Variants in IFI16 observed in about 807,000 individuals in gnomAD.
IFI16 encodes gamma-interferon-inducible protein 16.
Under a neutral mutation model 68.4 loss-of-function variants are expected in IFI16, and 49 were observed. That is an observed-to-expected ratio of 0.72 (90% CI 0.57 to 0.91). The LOEUF is 0.91. IFI16 is among the 40% of genes least tolerant of loss of function. The probability of loss-of-function intolerance (pLI) is 0.00; values close to 1 mark genes in which losing one functional copy is unlikely to be tolerated. For synonymous variants in IFI16, 307 were observed against 315.0 expected (o/e 0.97, Z 0.27); for missense variants, 878 against 942.9 (o/e 0.93, Z 0.90).
rs1654983513 is a variant in IFI16, at chr1:159,046,332, T to C, written c.1497+868T>C. Among the ~76,000 whole-genome samples the C allele has an allele frequency of 2.0e-5, 3 of 151,234 alleles. No individual in the cohort carries two copies. The Admixed American group carries it at 2.0e-4, about 10-fold the overall frequency. The stretch of plus-strand genomic sequence containing the variant: ...GGTGATTTGATACTGATTAACTTCA[T>C]TGGGAACGGGTTTCCTAATGTTATG... On this transcript the variant is annotated intron_variant, in intron 8 of 11. Transcript: ENST00000295809.
chr1:159,029,683 T>G (rs1331252781), intron 6 of IFI16, among the ~76,000 whole-genome samples: 2 of 149,576 alleles, frequency 1.3e-5, no homozygotes, highest in Non-Finnish European at 3.0e-5. Context: ...TGTTCAGTTT[T>G]TTTTTTTTTT....
In IFI16 at chr1:159,020,493, G is replaced by A; in HGVS notation, c.1125G>A (p.Met375Ile). 3.7e-6 allele frequency: 6 copies of A among 1,612,748 alleles called. No individual in the cohort carries two copies. The highest frequency in any genetic ancestry group is 3.4e-6 in the Non-Finnish European group (4 of 1,179,368). ...TTCGACTTAGAAAAAAGAACCAGAT[G>A]TCAAAACTGATTTCAGAAATGCATA... is the stretch of plus-strand genomic sequence containing the variant. ...FCFRLRKKNQMSKLISEMHSF... is the reference protein window; with the variant it reads ...FCFRLRKKNQISKLISEMHSF... Residue 375 changes from methionine (M) to isoleucine (I), a missense_variant, in exon 6 of 12, where the codon ATG becomes ATA. Transcript: ENST00000295809.
chr1:159,033,686 A>G (rs1298171670), intron 7 of IFI16, among the ~76,000 whole-genome samples: 29 of 152,224 alleles, frequency 1.9e-4, no homozygotes, highest in Non-Finnish European at 4.4e-5. Context: ...GTGAAAAATT[A>G]ATGATTATAT....
chr1:159,037,613 C>T (rs556488073), intron 7 of IFI16, among the ~76,000 whole-genome samples: 1 of 152,110 alleles, frequency 6.6e-6, no homozygotes, highest in South Asian at 2.1e-4. Context: ...TATTACTCAA[C>T]GAAATCTACA....
At position 159,018,254 on chromosome 1, in the gene IFI16, A is replaced by C. The variant is rs778253714; in HGVS notation, c.575A>C (p.Gln192Pro). 1 of 1,613,754 alleles carries C rather than the reference A, an allele frequency of 6.2e-7. No homozygotes were observed. The highest frequency in any genetic ancestry group is 1.1e-5 in the South Asian group (1 of 91,078). Residue 192 changes from glutamine (Q) to proline (P), a missense_variant, in exon 5 of 12, where the codon CAG becomes CCG. By Grantham distance (76) the Gln-to-Pro change is moderately conservative (BLOSUM62 -1). Transcript: ENST00000295809. The part of the protein sequence containing the change: ...TENPKTVAKC[Q>P]VTPRRNVLQK... ...AACCCGAAAACAGTGGCCAAATGTC[A>C]GGTAACTCCCAGAAGAAATGTTCTC... is the stretch of plus-strand genomic sequence containing the variant.
rs192470866 is a variant in IFI16, at chr1:159,045,413, C to T, written c.1446C>T (p.Pro482=). The T allele has an allele frequency of 1.9e-6, 3 of 1,584,748 alleles. No homozygotes were observed. In the East Asian group the frequency reaches 6.7e-5, roughly 35 times the overall value. ...MTSIGPAESH[P]HTPQMPPSTP... The stretch of plus-strand genomic sequence containing the variant: ...GCATAGGCCCAGCTGAGAGCCATCC[C>T]CACACTCCTCAGATGCCTCCATCAA... The change falls in exon 8 of 12, where the codon CCC becomes CCT. Residue 482 remains proline (P), a synonymous_variant. Transcript: ENST00000295809.
chr1:159,032,584 C>G lies in IFI16; in HGVS notation c.1222C>G (p.Gln408Glu). The G allele has an allele frequency of 6.2e-7, 1 of 1,612,432 alleles. No individual in the cohort carries two copies. Among genetic ancestry groups the G allele is most frequent in the Non-Finnish European group, 8.5e-7 (1 of 1,179,088 alleles). Residue 408 changes from glutamine (Q) to glutamate (E), a missense_variant, in exon 7 of 12, where the codon CAG becomes GAG. Physicochemically the swap from Gln to Glu is conservative, Grantham distance 29. Coordinates refer to ENST00000295809, the MANE Select transcript of IFI16 (RefSeq NM_001376587.1). ...DPKSMKLPQE[Q>E]RQLPYPSEAS... ...CAAGAGCATGAAGCTACCCCAGGAA[C>G]AGCGTCAGCTTCCATATCCTTCAGA... is the stretch of plus-strand genomic sequence containing the variant.
At chr1:159,053,032 G>T (rs2101937458) in intron 10 of IFI16, 1 of 152,934 alleles carries the variant, frequency 6.5e-6, no homozygotes. Flanking sequence ...GGATGATCTA[G>T]ATTTGAGATC....
At chr1:159,035,225 C>G (rs1420206557) in intron 7 of IFI16, among the ~76,000 whole-genome samples, 1 of 152,108 alleles carries the variant, frequency 6.6e-6, no homozygotes, top group Non-Finnish European at 1.5e-5. Flanking sequence ...GTATTTCCCT[C>G]CATAGTTTAT....
At chr1:159,043,428 G>C (rs887700928) in intron 7 of IFI16, among the ~76,000 whole-genome samples, 1 of 152,150 alleles carries the variant, frequency 6.6e-6, no homozygotes, top group African/African-American at 2.4e-5. Flanking sequence ...CTGCTGCTCT[G>C]AAAGCACAAG....
At chr1:159,032,439 A>G (rs1557873106) in intron 6 of IFI16, 85 bp from the exon 7 acceptor site, 5 of 804,228 alleles carry the variant, frequency 6.2e-6, no homozygotes, top group Non-Finnish European at 9.4e-6. Context: ...TTAAAATCTA[A>G]TAAAGGATGA....
intron 8 of IFI16, among the ~76,000 whole-genome samples, chr1:159,048,726 T>G (rs1655151758): frequency 6.6e-6 from 1 of 151,562 alleles, no homozygotes; most frequent in African/African-American, 2.4e-5. Flanking sequence ...ATAGGGTGAA[T>G]ATTTTTTGGA....
chr1:159,021,366 T>C (rs1244874564), intron 6 of IFI16, among the ~76,000 whole-genome samples: 1 of 152,222 alleles, frequency 6.6e-6, no homozygotes, highest in Admixed American at 6.5e-5. Context: ...TTTCCTCTCC[T>C]GAGTTACTTC....
In IFI16 at chr1:159,054,821, G is replaced by A. The variant is rs1339464779; in HGVS notation, c.2278G>A (p.Val760Ile). The change falls in exon 12 of 12, where the codon GTC becomes ATC. Residue 760 changes from valine to isoleucine, a missense_variant and splice_region_variant. Coordinates refer to ENST00000295809, the MANE Select transcript of IFI16 (RefSeq NM_001376587.1). ...LRSVIHSHIK[V>I]IKTRKNKKDI... is the part of the protein sequence containing the mutation. ...TGTCTTTATCTCTTTCTCCTTCAAG[G>A]TCATCAAGACCAGGAAAAACAAGAA... 1 of 1,576,916 alleles carries A rather than the reference G, an allele frequency of 6.3e-7. No homozygotes were observed. Among genetic ancestry groups the A allele is most frequent in the African/African-American group, 1.3e-5 (1 of 74,196 alleles).
intron 7 of IFI16, among the ~76,000 whole-genome samples, chr1:159,038,527 G>C (rs1654449058): frequency 6.6e-6 from 1 of 152,026 alleles, no homozygotes; most frequent in Non-Finnish European, 1.5e-5. Context: ...ACCAGGCCTG[G>C]CTAATTTTTT....
Position 159,020,349 on chromosome 1 carries a change from A to T in IFI16, c.981A>T (p.Val327=), listed in dbSNP as rs1653228556. The change falls in exon 6 of 12, where the codon GTA becomes GTT. Residue 327 remains valine, a synonymous_variant. Transcript: ENST00000295809. ...YGVFMLHKKT[V]NQKTTIYEIQ... ...TTAATTTTCTGTTACAGAAAACAGT[A>T]AATCAGAAGACCACAATCTACGAAA... The T allele has an allele frequency of 4.4e-6, 7 of 1,603,772 alleles. No individual in the cohort carries two copies. Among genetic ancestry groups the T allele is most frequent in the Non-Finnish European group, 6.0e-6 (7 of 1,174,768 alleles).
intron 6 of IFI16, among the ~76,000 whole-genome samples, chr1:159,031,026 G>T (rs1210617104): frequency 6.6e-6 from 1 of 152,072 alleles, no homozygotes; most frequent in Non-Finnish European, 1.5e-5. Context: ...TGTGGGGGAT[G>T]GGGTGTGATT....
chr1:159,031,054 A>G (rs1653969769), intron 6 of IFI16, among the ~76,000 whole-genome samples: 1 of 152,048 alleles, frequency 6.6e-6, no homozygotes, highest in Non-Finnish European at 1.5e-5. Flanking sequence ...CAATGGAGGT[A>G]TATTCCCAAG....
intron 6 of IFI16, among the ~76,000 whole-genome samples, chr1:159,025,690 T>C (rs1653625259): frequency 6.6e-6 from 1 of 152,222 alleles, no homozygotes; most frequent in Non-Finnish European, 1.5e-5. Flanking sequence ...GTTCCATCTA[T>C]TCATCTTTGT....
Sources: gnomAD v4.1 joint callset for allele counts (sites outside exome capture counted in the v4.1 genomes callset) on GRCh38, gnomAD v4.1.1 for gene constraint, MANE v1.5 for transcripts, NCBI Gene and HGNC (gene_info 2026-07-23, HGNC 2026-07-21) for gene names.